The following WDR44 variants were observed in gnomAD, a reference collection of about 807,000 sequenced individuals.
WDR44 encodes WD repeat domain 44.
WDR44 carries 9 observed loss-of-function variants against 65.7 expected under a neutral mutation model. The observed-to-expected ratio is 0.14, with a 90% confidence interval of 0.08 to 0.24. WDR44 has a LOEUF of 0.24. Ranked by LOEUF, WDR44 falls within the 10% of genes least tolerant of loss-of-function variation. The pLI is 1.00. For synonymous variants in WDR44, 220 were observed against 235.2 expected, an observed-to-expected ratio of 0.94 and a Z score of 0.59; for missense variants, 425 against 670.9, an observed-to-expected ratio of 0.63 and a Z score of 4.05.
Position 118,346,123 on chromosome X carries a change from T to G in WDR44, c.-381T>G. On this transcript the variant is annotated 5_prime_UTR_variant, in exon 1 of 20. Transcript: ENST00000254029. ...TGCGCGTCGGTATTTTGCGGGCAAC[T>G]AGCTCTTCCAGCTGCTGTAAATTGC... 1 of 301,119 alleles carries G rather than the reference T, an allele frequency of 3.3e-6. No homozygotes were observed. Among genetic ancestry groups the G allele is most frequent in the Non-Finnish European group, 5.8e-6 (1 of 172,227 alleles). The allele number at this position is 301,119 out of a possible 1,213,427, so 24.8% of individuals were successfully genotyped here. A position where few individuals can be genotyped will look rare whatever the true frequency, so the allele number is the denominator to read the frequency against.
At chrX:118,369,885 A>T (rs1602877550) in intron 1 of WDR44, among the ~76,000 whole-genome samples, 2 of 99,197 alleles carry the variant, frequency 2.0e-5, no homozygotes, top group Non-Finnish European at 4.0e-5. Flanking sequence ...AGTGGAAGAC[A>T]CACTAAATAA....
chrX:118,424,532 T>C (rs1265369613), intron 12 of WDR44, among the ~76,000 whole-genome samples: 1 of 107,992 alleles, frequency 9.3e-6, no homozygotes, highest in Admixed American at 1.0e-4. Flanking sequence ...AAAAATTGGG[T>C]TATTTGTTTG....
In WDR44 at chrX:118,346,488, CGG is replaced by C; in HGVS notation, c.-14_-13del. 8.3e-7 allele frequency: 1 copy of C among 1,206,137 alleles called. No homozygotes were observed. The highest frequency in any genetic ancestry group is 1.1e-6 in the Non-Finnish European group (1 of 891,750). On this transcript the variant is annotated 5_prime_UTR_variant, in exon 1 of 20. Transcript: ENST00000254029. ...CAGGCGGCGCCGGCCCCCTCACCCG[CGG>C]GTGTGTCCTATAAATGGCGTCGGAA...
chrX:118,399,316 T>C (rs1242475206), intron 8 of WDR44, among the ~76,000 whole-genome samples: 1 of 112,284 alleles, frequency 8.9e-6, no homozygotes, highest in Admixed American at 9.5e-5. Flanking sequence ...AGATCAATGG[T>C]GGGCCTGTAC....
At chrX:118,424,323 G>GTGTGTGTATA (rs1289349202) in intron 12 of WDR44, among the ~76,000 whole-genome samples, 5 of 65,564 alleles carry the variant, frequency 7.6e-5, no homozygotes, top group African/African-American at 5.0e-4. Flanking sequence ...GTGTGTGTGT[G>GTGTGTGTATA]TATATATATA....
chrX:118,352,958 G>T (rs1461126689), intron 1 of WDR44, among the ~76,000 whole-genome samples: 1 of 111,831 alleles, frequency 8.9e-6, no homozygotes, highest in Non-Finnish European at 1.9e-5. Context: ...CCTTCTCTAA[G>T]AGATTAATAA....
In WDR44 at chrX:118,411,828, A is replaced by G. The variant is rs1602941187; in HGVS notation, c.1737+869A>G. Among the ~76,000 whole-genome samples, 3 of 112,428 alleles carry G rather than the reference A, an allele frequency of 2.7e-5. No individual in the cohort carries two copies. The South Asian group carries it at 1.1e-3, about 41-fold the overall frequency. ...TGTGCTTGCTGCCTTTTCACATAAT[A>G]TATAGGATCTCTTTATCTACATGTA... On this transcript the variant is annotated intron_variant, in intron 12 of 19. Coordinates refer to ENST00000254029, the MANE Select transcript of WDR44 (RefSeq NM_019045.5).
intron 14 of WDR44, among the ~76,000 whole-genome samples, chrX:118,440,615 C>T (rs762603998): frequency 4.7e-4 from 52 of 110,900 alleles, no homozygotes; most frequent in African/African-American, 1.6e-3. Flanking sequence ...CCCGTAAACA[C>T]GCCCCCCCAA....
At chrX:118,378,027 G>A (rs994518573) in intron 1 of WDR44, among the ~76,000 whole-genome samples, 4 of 110,338 alleles carry the variant, frequency 3.6e-5, no homozygotes, top group Admixed American at 2.0e-4. Context: ...CATGATCTCG[G>A]CTCACTGAAA....
chrX:118,431,995 A>G (rs1036742213), intron 12 of WDR44, among the ~76,000 whole-genome samples: 2 of 112,024 alleles, frequency 1.8e-5, no homozygotes, highest in Admixed American at 1.9e-4. Flanking sequence ...GATAATGAAT[A>G]CGAAAGCACG....
chrX:118,347,345 C>T (rs773606318), intron 1 of WDR44, among the ~76,000 whole-genome samples: 64 of 111,837 alleles, frequency 5.7e-4, no homozygotes, highest in African/African-American at 2.0e-3. Context: ...TTATCTAATT[C>T]TGCAAGATGT....
In WDR44 at chrX:118,432,787, A is replaced by G. The variant is rs1199510827; in HGVS notation, c.1744A>G (p.Ser582Gly). Residue 582 changes from serine to glycine, a missense_variant, in exon 13 of 20, where the codon AGT (serine) becomes GGT (glycine). This residue lies in a region of WDR44 where 45 missense variants were observed against 50.0 expected (regional missense o/e 0.90). Coordinates refer to ENST00000254029, the MANE Select transcript of WDR44 (RefSeq NM_019045.5). The stretch of plus-strand genomic sequence containing the variant: ...TATCTTTATATCCAAATAGGTATGC[A>G]GTGGAACTGATGAAGACCCTGATGA... ...SKSDTDTGVCSGTDEDPDDKN... is the reference protein window; with the variant it reads ...SKSDTDTGVCGGTDEDPDDKN... 8.3e-7 allele frequency: 1 copy of G among 1,205,641 alleles called. No individual in the cohort carries two copies. Among genetic ancestry groups the G allele is most frequent in the Non-Finnish European group, 1.1e-6 (1 of 891,220 alleles).
At chrX:118,371,487 A>T (rs2056613505) in intron 1 of WDR44, among the ~76,000 whole-genome samples, 1 of 111,784 alleles carries the variant, frequency 8.9e-6, no homozygotes, top group Non-Finnish European at 1.9e-5. Context: ...AAAGTGAAGA[A>T]TATATTAATT....
intron 1 of WDR44, among the ~76,000 whole-genome samples, chrX:118,350,395 C>T (rs1177365710): frequency 9.0e-6 from 1 of 111,404 alleles, no homozygotes; most frequent in Non-Finnish European, 1.9e-5. Flanking sequence ...GAAGAGGAAT[C>T]GTGTGGTACA....
chrX:118,370,389 G>C (rs759644408), intron 1 of WDR44, among the ~76,000 whole-genome samples: 1 of 110,507 alleles, frequency 9.0e-6, no homozygotes, highest in Non-Finnish European at 1.9e-5. Flanking sequence ...CACGATGAAT[G>C]ACTTCTTGGC....
At chrX:118,357,136 T>C (rs1231893632) in intron 1 of WDR44, among the ~76,000 whole-genome samples, 3 of 111,387 alleles carry the variant, frequency 2.7e-5, no homozygotes, top group African/African-American at 9.8e-5. Flanking sequence ...TGGCCTGATA[T>C]ATATTTCATT....
chrX:118,435,530 G>T (rs1376414571), intron 13 of WDR44, among the ~76,000 whole-genome samples: 2 of 112,016 alleles, frequency 1.8e-5, no homozygotes, highest in Admixed American at 1.9e-4. Context: ...TGATCCACCT[G>T]CCTCAGCCTC....
intron 12 of WDR44, among the ~76,000 whole-genome samples, chrX:118,431,576 T>C (rs1472988090): frequency 8.9e-6 from 1 of 112,110 alleles, no homozygotes. Flanking sequence ...ATGCTGGGAT[T>C]ACAGGCATGA....
Position 118,378,464 on chromosome X carries a change from T to C in WDR44, c.111+12T>C, listed in dbSNP as rs753500608. 1.6e-5 allele frequency: 19 copies of C among 1,193,816 alleles called. No homozygotes were observed. Among genetic ancestry groups the C allele is most frequent in the East Asian group, 5.9e-5 (2 of 33,705 alleles). On this transcript the variant is annotated intron_variant, in intron 2 of 19. Transcript: ENST00000254029. The stretch of plus-strand genomic sequence containing the variant: ...TTTCAACATTCAAGGTAAGTTGTGC[T>C]TTCTGAAAGTTATGTTTTTAGAAAT...
Sources: gnomAD v4.1 joint callset for allele counts (sites outside exome capture counted in the v4.1 genomes callset) on GRCh38, gnomAD v4.1.1 for gene constraint, gnomAD v4.1.1 regional missense constraint, MANE v1.5 for transcripts, NCBI Gene and HGNC (gene_info 2026-07-23, HGNC 2026-07-21) for gene names.